HAS3: variants seen among roughly 807,000 people sequenced by gnomAD.
HAS3 encodes the protein HA synthase 3.
A neutral mutation model predicts 50.3 loss-of-function variants in HAS3; 27 were observed. The ratio of observed to expected loss-of-function variants is 0.54; its 90% confidence interval spans 0.40 to 0.74. The LOEUF (loss-of-function observed/expected upper bound fraction) is 0.74, where lower values mean the gene tolerates loss of function less well. Ranked by LOEUF, HAS3 falls within the 30% of genes least tolerant of loss-of-function variation. The pLI, the probability that HAS3 is intolerant of heterozygous loss-of-function variation, is 0.00. For missense variants in HAS3, 517 were observed against 742.8 expected (o/e 0.70, Z 3.53); for synonymous variants, 339 against 310.9 (o/e 1.09, Z -0.95).
At chr16:69,083,696 G>A in the HAS3 span, 6 of 1,542,622 alleles carry the variant, frequency 3.9e-6, no homozygotes, top group South Asian at 6.1e-5. Flanking sequence ...GGCAGGCAGG[G>A]CCAGGCACCC....
downstream of HAS3, chr16:69,118,511 C>A: frequency 9.4e-7 from 1 of 1,060,436 alleles, no homozygotes; most frequent in Non-Finnish European, 1.5e-6. Context: ...CTGGGACCTG[C>A]AGGCCAATGT....
At chr16:69,110,961 A>T (rs1017910861) in intron 2 of HAS3, among the ~76,000 whole-genome samples, 1 of 152,152 alleles carries the variant, frequency 6.6e-6, no homozygotes, top group African/African-American at 2.4e-5. Context: ...ATTTTGTAGG[A>T]GCATCGGCAG....
chr16:69,083,523 G>A, the HAS3 span: 3 of 1,612,600 alleles, frequency 1.9e-6, no homozygotes, highest in Non-Finnish European at 2.5e-6. Context: ...ACCACCTGCT[G>A]AAGCACGTAG....
upstream of HAS3, among the ~76,000 whole-genome samples, chr16:69,101,887 C>T (rs1451761710): frequency 1.3e-5 from 2 of 151,952 alleles, no homozygotes; most frequent in Admixed American, 6.6e-5. Flanking sequence ...CGGGTTCAAA[C>T]GATTCTCCTG....
Position 69,115,215 on chromosome 16 carries a change from G to A in HAS3, c.1611G>A (p.Arg537=), listed in dbSNP as rs763380500. ...LLMLYLAIIA[R]RCGKKPEQYS... ...TGCTATATCTGGCCATCATCGCCCG[G>A]CGATGTGGGAAGAAGCCGGAGCAGT... Residue 537 remains arginine (R), a synonymous_variant, in exon 4 of 4, where the codon CGG becomes CGA. Coordinates refer to ENST00000569188, the MANE Select transcript of HAS3 (RefSeq NM_001199280.2). The A allele has an allele frequency of 1.3e-6, 2 of 1,547,768 alleles. No homozygotes were observed. The highest frequency in any genetic ancestry group is 2.5e-5 in the South Asian group (2 of 79,230).
At chr16:69,092,728 C>T in the HAS3 span, among the ~76,000 whole-genome samples, 26 of 152,094 alleles carry the variant, frequency 1.7e-4, no homozygotes, top group East Asian at 3.7e-3. Flanking sequence ...AAGCCAGGCA[C>T]GGTGGTTTGT....
chr16:69,116,222 T>C lies in HAS3; in HGVS notation c.*956T>C. The C allele has an allele frequency of 2.0e-6, 2 of 985,586 alleles. No homozygotes were observed. The highest frequency in any genetic ancestry group is 2.4e-6 in the Non-Finnish European group (2 of 829,970). The allele number at this position is 985,586 out of a possible 1,614,324, so 61.1% of individuals were successfully genotyped here. On this transcript the variant is annotated 3_prime_UTR_variant, in exon 4 of 4. Coordinates refer to ENST00000569188, the MANE Select transcript of HAS3 (RefSeq NM_001199280.2). ...TTCTTCAAAGCCACATTTTTTGAGG[T>C]ATCACTGCAGTCACCTCTTCTACCC...
chr16:69,102,460 C>T (rs1237460692), upstream of HAS3, among the ~76,000 whole-genome samples: 1 of 152,176 alleles, frequency 6.6e-6, no homozygotes. Flanking sequence ...AAATAGGACA[C>T]CACAAACTGG....
At chr16:69,095,680 T>C in the HAS3 span, among the ~76,000 whole-genome samples, 6 of 150,476 alleles carry the variant, frequency 4.0e-5, no homozygotes. Flanking sequence ...GCTTATCTGA[T>C]GAGAAAAGAA....
chr16:69,099,831 T>C, the HAS3 span, among the ~76,000 whole-genome samples: 9 of 151,728 alleles, frequency 5.9e-5, no homozygotes, highest in South Asian at 6.2e-4. Context: ...TTTTTTTTTT[T>C]CTACACTCAC....
At chr16:69,104,992 G>GTTTTTTTTTTTGTTTTTTT (rs1960749612), upstream of HAS3, among the ~76,000 whole-genome samples, 1 of 81,958 alleles carries the variant, frequency 1.2e-5, no homozygotes, top group African/African-American at 4.7e-5. Flanking sequence ...CTGTTTTTTG[G>GTTTTTTTTTTTGTTTTTTT]TTTTTTTTTT....
rs1364177290 is a variant in HAS3, at chr16:69,109,473, G to A, written c.78G>A (p.Leu26=). The A allele has an allele frequency of 6.2e-7, 1 of 1,613,774 alleles. No individual in the cohort carries two copies. The highest frequency in any genetic ancestry group is 1.1e-5 in the South Asian group (1 of 91,084). The change falls in exon 2 of 4, where the codon CTG becomes CTA. Residue 26 remains leucine (L), a synonymous_variant. Coordinates refer to ENST00000569188, the MANE Select transcript of HAS3 (RefSeq NM_001199280.2). The surrounding 1 kb of genome is among the most constrained non-coding windows in gnomAD (Gnocchi z 5.3). ...CCCTGGCAGTGCTGGGTGGCATCCT[G>A]GCAGCCTATGTGACGGGCTACCAGT... ...LFALAVLGGI[L]AAYVTGYQFI...
the HAS3 span, among the ~76,000 whole-genome samples, chr16:69,086,520 TTA>T: frequency 1.7e-4 from 21 of 126,654 alleles, no homozygotes; most frequent in Non-Finnish European, 2.6e-4. Flanking sequence ...ATTTTCTATA[TTA>T]TGTGTGTGTG....
chr16:69,118,107 A>C, downstream of HAS3: 3 of 519,684 alleles, frequency 5.8e-6, no homozygotes, highest in East Asian at 3.4e-5. Flanking sequence ...AAGCACAGTG[A>C]TTTCTTCCCT....
chr16:69,113,916 G>A (rs1433119453), intron 3 of HAS3, among the ~76,000 whole-genome samples: 1 of 152,156 alleles, frequency 6.6e-6, no homozygotes, highest in African/African-American at 2.4e-5. Context: ...GGTCAATACG[G>A]TAAGAATAAG....
chr16:69,090,359 C>T, the HAS3 span, among the ~76,000 whole-genome samples: 4 of 152,154 alleles, frequency 2.6e-5, no homozygotes, highest in African/African-American at 4.8e-5. Flanking sequence ...TCAGATGATA[C>T]GTGATGTGAC....
At chr16:69,084,591 TTA>T in the HAS3 span, 22 of 152,362 alleles carry the variant, frequency 1.4e-4, no homozygotes, top group Non-Finnish European at 2.6e-4. Context: ...CTTTATTTCT[TTA>T]TATGTTTTGG....
At chr16:69,085,897 T>G in the HAS3 span, among the ~76,000 whole-genome samples, 3 of 151,914 alleles carry the variant, frequency 2.0e-5, no homozygotes, top group African/African-American at 7.3e-5. Context: ...AAGACAGTTT[T>G]GCTCTGTTGC....
At chr16:69,101,261 A>T (rs906315327), upstream of HAS3, among the ~76,000 whole-genome samples, 1 of 152,186 alleles carries the variant, frequency 6.6e-6, no homozygotes, top group African/African-American at 2.4e-5. Context: ...CTTCCTACAC[A>T]GCAGGCCCGG....
Sources: allele counts gnomAD v4.1 joint callset (sites outside exome capture counted in the v4.1 genomes callset), GRCh38; gene constraint gnomAD v4.1.1; non-coding constraint Gnocchi (gnomAD v3.1); transcripts MANE v1.5; gene names NCBI Gene and HGNC (gene_info 2026-07-23, HGNC 2026-07-21).